The following DRD2 variants were observed in gnomAD, a reference collection of about 807,000 sequenced individuals.
DRD2 encodes the protein dopamine receptor D2, also known as D(2) dopamine receptor.
DRD2 carries 8 observed loss-of-function variants against 38.0 expected under a neutral mutation model. That is an observed-to-expected ratio of 0.21 (90% CI 0.12 to 0.38). DRD2 has a LOEUF of 0.38. DRD2 is among the 10% of genes least tolerant of loss of function. The pLI is 1.00. For synonymous variants in DRD2, 230 were observed against 238.6 expected, an observed-to-expected ratio of 0.96 and a Z score of 0.33; for missense variants, 403 against 607.7, an observed-to-expected ratio of 0.66 and a Z score of 3.54.
intron 4 of DRD2, among the ~76,000 whole-genome samples, chr11:113,416,519 A>G (rs535773273): frequency 9.8e-5 from 15 of 152,338 alleles, no homozygotes; most frequent in African/African-American, 3.6e-4. Context: ...CCGCCATCCC[A>G]TGTTCATGTG....
chr11:113,429,755 C>G (rs765856794), intron 1 of DRD2, among the ~76,000 whole-genome samples: 1 of 152,156 alleles, frequency 6.6e-6, no homozygotes, highest in Non-Finnish European at 1.5e-5. Flanking sequence ...GTATAACATT[C>G]GAGTTGAGGA....
In DRD2 at chr11:113,410,358, C is replaced by G; in HGVS notation, c.*369G>C. On this transcript the variant is annotated 3_prime_UTR_variant, in exon 8 of 8. Transcript: ENST00000362072. ...CACGCCAAGCCCCACAAAGAGAAAACTCAGCCTCTGGGCCCTGACTCAGGC... is the reference window on the plus strand; with the variant it reads ...CACGCCAAGCCCCACAAAGAGAAAAGTCAGCCTCTGGGCCCTGACTCAGGC... The G allele has an allele frequency of 2.3e-6, 1 of 439,100 alleles. No homozygotes were observed. Among genetic ancestry groups the G allele is most frequent in the South Asian group, 2.5e-5 (1 of 40,350 alleles). 27.2% of individuals were successfully genotyped at this position (439,100 alleles called of 1,614,324 possible).
In DRD2 at chr11:113,445,205, G is replaced by T. The variant is rs139414665; in HGVS notation, c.-31-20523C>A. On this transcript the variant is annotated intron_variant, in intron 1 of 7. Transcript: ENST00000362072. ...CAGATGTGACAACCAAACCATGTGG[G>T]ATCCTGGATTCGATCCTGGGCCAGG... Among the ~76,000 whole-genome samples, 110 of 152,308 alleles carry T rather than the reference G, an allele frequency of 7.2e-4. 1 individual carries two copies. The highest frequency in any genetic ancestry group is 5.4e-4 in the Non-Finnish European group (37 of 68,022).
intron 1 of DRD2, among the ~76,000 whole-genome samples, chr11:113,440,591 G>A (rs1484311995): frequency 6.6e-6 from 1 of 152,240 alleles, no homozygotes; most frequent in Non-Finnish European, 1.5e-5. Flanking sequence ...AATCCCAAGT[G>A]CTTCATTAGA....
intron 2 of DRD2, among the ~76,000 whole-genome samples, chr11:113,420,104 T>C (rs1291959558): frequency 1.3e-5 from 2 of 152,152 alleles, no homozygotes; most frequent in Non-Finnish European, 2.9e-5. Flanking sequence ...CACTACCTGA[T>C]TTACATCCCA....
intron 1 of DRD2, among the ~76,000 whole-genome samples, chr11:113,469,178 C>G (rs1414145441): frequency 6.6e-6 from 1 of 152,048 alleles, no homozygotes; most frequent in East Asian, 1.9e-4. Flanking sequence ...ACCCTGCCTC[C>G]CTCCTGCTCC....
chr11:113,454,267 G>T (rs1357758377), intron 1 of DRD2, among the ~76,000 whole-genome samples: 2 of 152,116 alleles, frequency 1.3e-5, no homozygotes, highest in Non-Finnish European at 2.9e-5. Context: ...TAGGATTCAC[G>T]CTTGAACCTG....
chr11:113,465,620 T>A (rs1951361197), intron 1 of DRD2, among the ~76,000 whole-genome samples: 1 of 152,288 alleles, frequency 6.6e-6, no homozygotes, highest in Non-Finnish European at 1.5e-5. Context: ...TCAAATCCCA[T>A]TCATTAGCCA....
At chr11:113,460,637 A>G (rs1240373538) in intron 1 of DRD2, among the ~76,000 whole-genome samples, 5 of 152,214 alleles carry the variant, frequency 3.3e-5, no homozygotes, top group Non-Finnish European at 1.5e-5. Flanking sequence ...TCAGAGGCAC[A>G]TGGACACTGC....
At position 113,410,610 on chromosome 11, in the gene DRD2, C is replaced by T. The variant is rs200147005; in HGVS notation, c.*117G>A. 2.0e-5 allele frequency: 26 copies of T among 1,298,590 alleles called. No individual in the cohort carries two copies. Among genetic ancestry groups the T allele is most frequent in the Middle Eastern group, 2.6e-4 (1 of 3,868 alleles). 80.4% of individuals were successfully genotyped at this position (1,298,590 alleles called of 1,614,324 possible). A position where few individuals can be genotyped will look rare whatever the true frequency, so the allele number is the denominator to read the frequency against. ...GCCAAGCGAACACTGCAGGGCCTGC[C>T]GGGGTGAAGAGGAGGCCGATCCACC... On this transcript the variant is annotated 3_prime_UTR_variant, in exon 8 of 8. Coordinates refer to ENST00000362072, the MANE Select transcript of DRD2 (RefSeq NM_000795.4).
At position 113,464,909 on chromosome 11, in the gene DRD2, T is replaced by G. The variant is rs143810715; in HGVS notation, c.-32+10167A>C. ...ATCATCCTTGGCTTCTCTCTTCCCC[T>G]CATCCTCCATAGCCCATCAATCACT... On this transcript the variant is annotated intron_variant, in intron 1 of 7. Coordinates refer to ENST00000362072, the MANE Select transcript of DRD2 (RefSeq NM_000795.4). Among the ~76,000 whole-genome samples, 10 of 152,306 alleles carry G rather than the reference T, an allele frequency of 6.6e-5. 1 individual carries two copies. The highest frequency in any genetic ancestry group is 2.0e-4 in the Admixed American group (3 of 15,296).
chr11:113,456,319 A>G (rs1324911232), intron 1 of DRD2, among the ~76,000 whole-genome samples: 1 of 152,240 alleles, frequency 6.6e-6, no homozygotes, highest in Non-Finnish European at 1.5e-5. Context: ...TAATTAGGCA[A>G]CAGGAATAAG....
chr11:113,453,286 G>T (rs989779370), intron 1 of DRD2, among the ~76,000 whole-genome samples: 4 of 152,182 alleles, frequency 2.6e-5, no homozygotes, highest in Admixed American at 2.0e-4. Context: ...CATCTAGGAA[G>T]TGGGGGTGAT....
At chr11:113,414,854 C>T (rs970093308) in intron 5 of DRD2, among the ~76,000 whole-genome samples, 2 of 152,194 alleles carry the variant, frequency 1.3e-5, no homozygotes, top group Non-Finnish European at 2.9e-5. Flanking sequence ...GTGTCAGTGA[C>T]AGGATCTGAA....
intron 1 of DRD2, among the ~76,000 whole-genome samples, chr11:113,445,039 G>T (rs1361088877): frequency 2.0e-5 from 3 of 152,192 alleles, no homozygotes; most frequent in Non-Finnish European, 4.4e-5. Context: ...AAGCAAGACT[G>T]CAAAACTCAG....
intron 1 of DRD2, among the ~76,000 whole-genome samples, chr11:113,450,348 C>T (rs142176480): frequency 1.1e-3 from 171 of 152,298 alleles, no homozygotes; most frequent in African/African-American, 3.8e-3. Flanking sequence ...AGCCCTCTGA[C>T]CAAGCAGGGC....
At chr11:113,418,256 G>A in intron 2 of DRD2, 120 bp from the exon 3 acceptor site, 1 of 807,302 alleles carries the variant, frequency 1.2e-6, no homozygotes, top group Non-Finnish European at 2.1e-6. Context: ...CAAGTCTTGT[G>A]GGCATCCAGC....
chr11:113,435,069 C>T (rs1030371733), intron 1 of DRD2, among the ~76,000 whole-genome samples: 5 of 152,204 alleles, frequency 3.3e-5, no homozygotes, highest in African/African-American at 1.2e-4. Flanking sequence ...GGCCCTGGGC[C>T]TGCTCAGGTG....
At chr11:113,416,767 C>T in intron 4 of DRD2, 96 bp downstream of exon 4, 1 of 1,537,388 alleles carries the variant, frequency 6.5e-7, no homozygotes, top group South Asian at 1.2e-5. Flanking sequence ...GGGCCTCCAC[C>T]CATATCTGTG....
Sources: allele counts gnomAD v4.1 joint callset (sites outside exome capture counted in the v4.1 genomes callset), GRCh38; gene constraint gnomAD v4.1.1; transcripts MANE v1.5; gene names NCBI Gene and HGNC (gene_info 2026-07-23, HGNC 2026-07-21).